ATP8B2: variants seen among roughly 807,000 people sequenced by gnomAD.
ATP8B2 encodes the protein phospholipid-transporting ATPase ID.
ATP8B2 carries 70 observed loss-of-function variants against 133.4 expected under a neutral mutation model. The ratio of observed to expected loss-of-function variants is 0.52; its 90% CI spans 0.43 to 0.64. The LOEUF (loss-of-function observed/expected upper bound fraction) is 0.64. Ranked by LOEUF, ATP8B2 falls within the 30% of genes least tolerant of loss-of-function variation. The pLI is 0.00. For synonymous variants in ATP8B2, 517 were observed against 589.5 expected (o/e 0.88, Z 1.78); for missense variants, 1,101 against 1,535.7 (o/e 0.72, Z 4.73).
Position 154,334,494 on chromosome 1 carries a change from C to T in ATP8B2, c.749-9C>T, listed in dbSNP as rs757136119. On this transcript the variant is annotated splice_polypyrimidine_tract_variant and intron_variant, in intron 10 of 27. Coordinates refer to ENST00000368489, the MANE Select transcript of ATP8B2 (RefSeq NM_001370597.1). The surrounding 1 kb of genome is among the most constrained non-coding windows in gnomAD (Gnocchi z 4.6). ...TTTGGCTTTCCCAGCCCTTCCCATT[C>T]TTTTCCAGGTCCCGACACTAAGCTG... The T allele has an allele frequency of 1.2e-6, 2 of 1,614,000 alleles. No homozygotes were observed. The highest frequency in any genetic ancestry group is 2.2e-5 in the South Asian group (2 of 91,036).
Position 154,349,240 on chromosome 1 carries a change from TGTCCTGCTG to T in ATP8B2, c.*127_*135del. 1 of 1,280,276 alleles carries T rather than the reference TGTCCTGCTG, an allele frequency of 7.8e-7. No individual in the cohort carries two copies. The highest frequency in any genetic ancestry group is 1.1e-6 in the Non-Finnish European group (1 of 934,718). The allele number at this position is 1,280,276 out of a possible 1,614,324, so 79.3% of individuals were successfully genotyped here. A position where few individuals can be genotyped will look rare whatever the true frequency, so the allele number is the denominator to read the frequency against. ...TGCTTCCCGTCCCCCCGGTAGACTC[TGTCCTGCTG>T]GTCCCACCACACATGGCTGGGACAT... On this transcript the variant is annotated 3_prime_UTR_variant, in exon 28 of 28. Transcript: ENST00000368489.
intron 3 of ATP8B2, 80 bp downstream of exon 3, chr1:154,330,534 A>C (rs1266813645): frequency 6.8e-7 from 1 of 1,473,886 alleles, no homozygotes; most frequent in African/African-American, 1.4e-5. Context: ...GTTGGGACTG[A>C]GGGCTGCCTG....
chr1:154,343,627 C>A lies in ATP8B2; in HGVS notation c.1758+59C>A. The A allele has an allele frequency of 6.7e-7, 1 of 1,492,362 alleles. No homozygotes were observed. The highest frequency in any genetic ancestry group is 9.3e-7 in the Non-Finnish European group (1 of 1,073,076). The allele number at this position is 1,492,362 out of a possible 1,614,324, so 92.4% of individuals were successfully genotyped here. A position where few individuals can be genotyped will look rare whatever the true frequency, so the allele number is the denominator to read the frequency against. On this transcript the variant is annotated intron_variant, in intron 17 of 27. Transcript: ENST00000368489. The surrounding 1 kb of genome is among the most constrained non-coding windows in gnomAD (Gnocchi z 5.8). ...GGTTCTACTCTTAGTGTGGGGGAGG[C>A]GACTTAAGTTTGTTTTATTGTGTAA...
In ATP8B2 at chr1:154,344,062, G is replaced by A. The variant is rs765364561; in HGVS notation, c.1923+5G>A. The A allele has an allele frequency of 2.0e-5, 33 of 1,613,828 alleles. No homozygotes were observed. Among genetic ancestry groups the A allele is most frequent in the African/African-American group, 4.0e-5 (3 of 74,936 alleles). On this transcript the variant is annotated splice_donor_5th_base_variant and intron_variant, in intron 18 of 27. Coordinates refer to ENST00000368489, the MANE Select transcript of ATP8B2 (RefSeq NM_001370597.1). The surrounding 1 kb of genome is among the most constrained non-coding windows in gnomAD (Gnocchi z 4.1). ...GAGGTTGAGAACAACATGATGGTACGGGCTGCGGGACGGGCCAAGGATGGG... is the reference window on the plus strand; with the variant it reads ...GAGGTTGAGAACAACATGATGGTACAGGCTGCGGGACGGGCCAAGGATGGG...
Position 154,330,461 on chromosome 1 carries a change from G to C in ATP8B2, c.90+7G>C. ...TGAGAAATTCCAGTATGCGGTAAGC[G>C]ACTCTAGACCACCTGTTCCCTCTCT... On this transcript the variant is annotated splice_region_variant and intron_variant, in intron 3 of 27. Transcript: ENST00000368489. The C allele has an allele frequency of 6.2e-7, 1 of 1,613,514 alleles. No homozygotes were observed. The highest frequency in any genetic ancestry group is 8.5e-7 in the Non-Finnish European group (1 of 1,179,570).
intron 11 of ATP8B2, among the ~76,000 whole-genome samples, chr1:154,336,973 T>C (rs1354918284): frequency 6.6e-6 from 1 of 151,620 alleles, no homozygotes; most frequent in East Asian, 1.9e-4. Context: ...TTTTTTAATG[T>C]TTTTAGTAGA....
Position 154,346,650 on chromosome 1 carries a change from A to G in ATP8B2, c.3055A>G (p.Ile1019Val), listed in dbSNP as rs1182832831. The change falls in exon 26 of 28, where the codon ATC becomes GTC. Residue 1019 changes from isoleucine (I) to valine (V), a missense_variant. Transcript: ENST00000368489. The surrounding 1 kb of genome is among the most constrained non-coding windows in gnomAD (Gnocchi z 4.5). ...IGLDTGYWTA[I>V]NHFFIWGSLA... ...GCTCGACACAGGCTACTGGACGGCC[A>G]TCAACCACTTCTTCATCTGGGGAAG... 1 of 1,614,184 alleles carries G rather than the reference A, an allele frequency of 6.2e-7. No individual in the cohort carries two copies. The highest frequency in any genetic ancestry group is 8.5e-7 in the Non-Finnish European group (1 of 1,180,026).
chr1:154,328,562 G>T lies in ATP8B2; in HGVS notation c.31+390G>T, dbSNP rs946540695. On this transcript the variant is annotated intron_variant, in intron 2 of 27. Transcript: ENST00000368489. The surrounding 1 kb of genome is among the most constrained non-coding windows in gnomAD (Gnocchi z 4.6). ...GGCGGGGGTGTGTGTGTGTGAAAGC[G>T]GTTGCCCCCGACAACGCCGGCAGTC... Among the ~76,000 whole-genome samples the T allele has an allele frequency of 2.6e-5, 4 of 152,120 alleles. No homozygotes were observed. Among genetic ancestry groups the T allele is most frequent in the Non-Finnish European group, 5.9e-5 (4 of 67,994 alleles).
chr1:154,331,756 A>G lies in ATP8B2; in HGVS notation c.438+78A>G. ...GAAAAGGATGAATCTTTCCTGATTT[A>G]CTGTTGCCTCTTAAACACCCGTGGC... On this transcript the variant is annotated intron_variant, in intron 7 of 27. Transcript: ENST00000368489. This position sits in a 1 kb window ranked among gnomAD's most constrained non-coding sequence, Gnocchi z 4.8. 1 of 1,496,966 alleles carries G rather than the reference A, an allele frequency of 6.7e-7. No homozygotes were observed. Among genetic ancestry groups the G allele is most frequent in the East Asian group, 2.3e-5 (1 of 44,292 alleles). The allele number at this position is 1,496,966 out of a possible 1,614,324, so 92.7% of individuals were successfully genotyped here.
chr1:154,351,024 G>C lies in ATP8B2; in HGVS notation c.*1906G>C, dbSNP rs1313740895. 6.6e-6 allele frequency: 1 copy of C among 152,394 alleles called. No individual in the cohort carries two copies. The highest frequency in any genetic ancestry group is 1.9e-4 in the East Asian group (1 of 5,166). The allele number at this position is 152,394 out of a possible 1,614,324, so 9.4% of individuals were successfully genotyped here. Reference sequence around the variant, plus strand: ...TACAAACCCAGTATCATGTCTGTCTGTGTGTCTCTCAAGGTGAGAGTCTGA... The same window carrying C: ...TACAAACCCAGTATCATGTCTGTCTCTGTGTCTCTCAAGGTGAGAGTCTGA... On this transcript the variant is annotated 3_prime_UTR_variant, in exon 28 of 28. Coordinates refer to ENST00000368489, the MANE Select transcript of ATP8B2 (RefSeq NM_001370597.1).
chr1:154,334,578 C>T lies in ATP8B2; in HGVS notation c.824C>T (p.Thr275Ile). The T allele has an allele frequency of 1.2e-6, 2 of 1,613,910 alleles. No individual in the cohort carries two copies. Among genetic ancestry groups the T allele is most frequent in the Non-Finnish European group, 1.7e-6 (2 of 1,179,928 alleles). Residue 275 changes from threonine (T) to isoleucine (I), a missense_variant, in exon 11 of 28, where the codon ACC becomes ATC. Transcript: ENST00000368489. This position sits in a 1 kb window ranked among gnomAD's most constrained non-coding sequence, Gnocchi z 4.6. ...KRTSIDRLMNTLVLWIFGFLV... is the reference protein window; with the variant it reads ...KRTSIDRLMNILVLWIFGFLV... Reference sequence around the variant, plus strand: ...ACGAGTATCGATCGCCTAATGAATACCCTGGTGCTCTGGGTGAGGCGCCCC... The same window carrying T: ...ACGAGTATCGATCGCCTAATGAATATCCTGGTGCTCTGGGTGAGGCGCCCC...
Position 154,342,399 on chromosome 1 carries a change from T to C in ATP8B2, c.1244-81T>C, listed in dbSNP as rs758462266. The C allele has an allele frequency of 9.6e-5, 134 of 1,393,068 alleles. 1 individual carries two copies. Among genetic ancestry groups the C allele is most frequent in the Middle Eastern group, 2.1e-4 (1 of 4,794 alleles). 86.3% of individuals were successfully genotyped at this position (1,393,068 alleles called of 1,614,324 possible). A position where few individuals can be genotyped will look rare whatever the true frequency, so the allele number is the denominator to read the frequency against. On this transcript the variant is annotated intron_variant, in intron 13 of 27. Coordinates refer to ENST00000368489, the MANE Select transcript of ATP8B2 (RefSeq NM_001370597.1). ...TTGAGGGGCTCAGTGCCTACGGGGA[T>C]TCTGCATTGGAGATGTTTTTCCATG...
chr1:154,340,002 C>T lies in ATP8B2; in HGVS notation c.1035-852C>T, dbSNP rs1686322162. Among the ~76,000 whole-genome samples, 1 of 151,980 alleles carries T rather than the reference C, an allele frequency of 6.6e-6. No individual in the cohort carries two copies. The highest frequency in any genetic ancestry group is 6.6e-5 in the Admixed American group (1 of 15,258). ...TTCAAGACCAGTGTGGGCAACACAGCGAGATCCCATCTCTACAAAAAATGA... is the reference window on the plus strand; with the variant it reads ...TTCAAGACCAGTGTGGGCAACACAGTGAGATCCCATCTCTACAAAAAATGA... On this transcript the variant is annotated intron_variant, in intron 12 of 27. Transcript: ENST00000368489. The surrounding 1 kb of genome is among the most constrained non-coding windows in gnomAD (Gnocchi z 4.0).
At chr1:154,348,333 T>G in intron 26 of ATP8B2, 75 bp from the exon 27 acceptor site, 3 of 1,500,538 alleles carry the variant, frequency 2.0e-6, no homozygotes, top group Non-Finnish European at 2.7e-6. Flanking sequence ...AGTAGGGAAG[T>G]GGAGCTGCCA....
Position 154,331,187 on chromosome 1 carries a change from C to CA in ATP8B2, c.303+41_303+42insA. The CA allele has an allele frequency of 6.4e-7, 1 of 1,558,406 alleles. No individual in the cohort carries two copies. The highest frequency in any genetic ancestry group is 8.8e-7 in the Non-Finnish European group (1 of 1,133,238). ...TCTTCTATTTTGTCCCAGTCACCCA[C>CA]CCCTACTCCCAGCCCCACCCCCATC... On this transcript the variant is annotated intron_variant, in intron 5 of 27. Coordinates refer to ENST00000368489, the MANE Select transcript of ATP8B2 (RefSeq NM_001370597.1). The surrounding 1 kb of genome is among the most constrained non-coding windows in gnomAD (Gnocchi z 4.8).
chr1:154,344,513 C>G lies in ATP8B2; in HGVS notation c.2141+13C>G. 2 of 1,614,088 alleles carry G rather than the reference C, an allele frequency of 1.2e-6. No individual in the cohort carries two copies. Among genetic ancestry groups the G allele is most frequent in the Non-Finnish European group, 1.7e-6 (2 of 1,179,994 alleles). On this transcript the variant is annotated intron_variant, in intron 20 of 27. Coordinates refer to ENST00000368489, the MANE Select transcript of ATP8B2 (RefSeq NM_001370597.1). This position sits in a 1 kb window ranked among gnomAD's most constrained non-coding sequence, Gnocchi z 4.1. ...GGGAGGAGCTCAGGTAAACAAGAAG[C>G]CCAGGGGAGGCGGTGCTGTGCGTTG...
Position 154,344,412 on chromosome 1 carries a change from G to A in ATP8B2, c.2053G>A (p.Gly685Ser), listed in dbSNP as rs751021127. 35 of 1,613,966 alleles carry A rather than the reference G, an allele frequency of 2.2e-5. No homozygotes were observed. Among genetic ancestry groups the A allele is most frequent in the Admixed American group, 1.7e-5 (1 of 59,990 alleles). ...CTTGGTAGAGACGGCTGTGAACATC[G>A]GCTATTCCTGCAAGATGCTGACGGA... ...GDKQETAVNI[G>S]YSCKMLTDDM... The change falls in exon 20 of 28, where the codon GGC becomes AGC. Residue 685 changes from glycine (G) to serine (S), a missense_variant. By Grantham distance (56) the Gly-to-Ser change is moderately conservative. Coordinates refer to ENST00000368489, the MANE Select transcript of ATP8B2 (RefSeq NM_001370597.1). This position sits in a 1 kb window ranked among gnomAD's most constrained non-coding sequence, Gnocchi z 4.1.
intron 11 of ATP8B2, among the ~76,000 whole-genome samples, chr1:154,336,216 G>A (rs896545460): frequency 4.6e-5 from 7 of 152,056 alleles, no homozygotes; most frequent in Admixed American, 6.6e-5. Context: ...AGGTTTCAAG[G>A]TGCCAGATTG....
At chr1:154,333,627 T>C (rs1570852955) in intron 9 of ATP8B2, among the ~76,000 whole-genome samples, 1 of 147,348 alleles carries the variant, frequency 6.8e-6, no homozygotes. Flanking sequence ...CAAACAAATA[T>C]TAGGTCATGC....
Sources: gnomAD v4.1 joint callset for allele counts (sites outside exome capture counted in the v4.1 genomes callset) on GRCh38, gnomAD v4.1.1 for gene constraint, Gnocchi (gnomAD v3.1) non-coding constraint, MANE v1.5 for transcripts, NCBI Gene and HGNC (gene_info 2026-07-23, HGNC 2026-07-21) for gene names.